Variants in TMEM65 observed in about 807,000 individuals in gnomAD.
TMEM65 encodes transmembrane protein 65.
A neutral mutation model predicts 25.4 loss-of-function variants in TMEM65; 22 were observed. The observed-to-expected ratio is 0.86, with a 90% CI of 0.62 to 1.23. TMEM65 has a LOEUF of 1.23. TMEM65 is among the 50% of genes most tolerant of loss of function. The pLI is 0.00. For missense variants in TMEM65, 262 were observed against 308.2 expected, an observed-to-expected ratio of 0.85 and a Z score of 1.12; for synonymous variants, 132 against 126.2, an observed-to-expected ratio of 1.05 and a Z score of -0.31.
At chr8:124,350,356 T>C (rs932152600) in intron 1 of TMEM65, among the ~76,000 whole-genome samples, 5 of 152,086 alleles carry the variant, frequency 3.3e-5, no homozygotes, top group African/African-American at 1.2e-4. Flanking sequence ...AATCAAATAG[T>C]AATCAGAAAC....
At chr8:124,339,222 A>AAAAAAAAAT (rs1563594368) in intron 1 of TMEM65, among the ~76,000 whole-genome samples, 6 of 19,906 alleles carry the variant, frequency 3.0e-4, no homozygotes, top group Non-Finnish European at 4.0e-4. Context: ...AAAAAAAAAA[A>AAAAAAAAAT]ATATATATAT....
rs1011027824 is a variant in TMEM65, at chr8:124,307,196, T to G, written c.*6764A>C. ...ATCATCTCCACATGGGCAGTTCATCTCTCCAGTAAATTGTGTATCGTAGTA... is the reference window on the plus strand; with the variant it reads ...ATCATCTCCACATGGGCAGTTCATCGCTCCAGTAAATTGTGTATCGTAGTA... On this transcript the variant is annotated 3_prime_UTR_variant, in exon 7 of 7. Coordinates refer to ENST00000297632, the MANE Select transcript of TMEM65 (RefSeq NM_194291.3). The G allele has an allele frequency of 1.2e-4, 18 of 152,274 alleles. No individual in the cohort carries two copies. The highest frequency in any genetic ancestry group is 3.9e-4 in the Admixed American group (6 of 15,294). 9.4% of individuals were successfully genotyped at this position (152,274 alleles called of 1,614,324 possible). A position where few individuals can be genotyped will look rare whatever the true frequency, so the allele number is the denominator to read the frequency against.
intron 1 of TMEM65, among the ~76,000 whole-genome samples, chr8:124,337,157 A>C (rs1282227875): frequency 1.3e-5 from 2 of 151,012 alleles, no homozygotes; most frequent in East Asian, 1.9e-4. Context: ...ACACACACAC[A>C]CCCCTTCCAA....
At chr8:124,314,611 A>G (rs931486451) in intron 6 of TMEM65, among the ~76,000 whole-genome samples, 3 of 152,140 alleles carry the variant, frequency 2.0e-5, no homozygotes, top group Non-Finnish European at 4.4e-5. Flanking sequence ...CTACATTATA[A>G]AAATTTTATT....
At chr8:124,358,505 A>G (rs536177214) in intron 1 of TMEM65, among the ~76,000 whole-genome samples, 13 of 152,352 alleles carry the variant, frequency 8.5e-5, no homozygotes, top group African/African-American at 3.1e-4. Flanking sequence ...ACTCCAATGC[A>G]TTCATAGGTA....
intron 1 of TMEM65, among the ~76,000 whole-genome samples, chr8:124,353,450 C>T: frequency 6.6e-6 from 1 of 152,050 alleles, no homozygotes; most frequent in South Asian, 2.1e-4. Context: ...CATAAAGACA[C>T]ATAGAACTAT....
intron 1 of TMEM65, among the ~76,000 whole-genome samples, chr8:124,364,375 G>A (rs1814911777): frequency 6.6e-6 from 1 of 152,126 alleles, no homozygotes; most frequent in African/African-American, 2.4e-5. Context: ...GGAGGAGGGA[G>A]GGGCAGACTA....
At chr8:124,369,871 T>C (rs1291102713) in intron 1 of TMEM65, among the ~76,000 whole-genome samples, 1 of 152,198 alleles carries the variant, frequency 6.6e-6, no homozygotes, top group Admixed American at 6.5e-5. Context: ...CATAGGACAA[T>C]CATTTTGTCA....
intron 1 of TMEM65, among the ~76,000 whole-genome samples, chr8:124,339,458 T>C (rs537167603): frequency 6.6e-6 from 1 of 151,778 alleles, no homozygotes; most frequent in South Asian, 2.1e-4. Flanking sequence ...CTTTTAAGGT[T>C]CAGAGTGCTG....
chr8:124,358,049 C>T (rs1814807839), intron 1 of TMEM65, among the ~76,000 whole-genome samples: 2 of 151,924 alleles, frequency 1.3e-5, no homozygotes, highest in South Asian at 4.1e-4. Context: ...AGGCTGGTCT[C>T]AAACTCCTGA....
intron 3 of TMEM65, among the ~76,000 whole-genome samples, 181 bp downstream of exon 3, chr8:124,327,173 A>G (rs945389618): frequency 6.6e-6 from 1 of 152,040 alleles, no homozygotes; most frequent in Non-Finnish European, 1.5e-5. Flanking sequence ...TAAAGTCTTA[A>G]TGATTAATAA....
chr8:124,316,834 C>G (rs1051391431), intron 6 of TMEM65, among the ~76,000 whole-genome samples: 1 of 152,180 alleles, frequency 6.6e-6, no homozygotes, highest in Non-Finnish European at 1.5e-5. Context: ...TCTCACTTTA[C>G]TTACAAATTG....
intron 1 of TMEM65, chr8:124,350,990 A>G (rs1814699333): frequency 1.0e-6 from 1 of 985,112 alleles, no homozygotes; most frequent in South Asian, 4.7e-5. Context: ...AGTTCCATCA[A>G]ATAGATGCTT....
At position 124,331,999 on chromosome 8, in the gene TMEM65, C is replaced by G. The variant is rs548450164; in HGVS notation, c.305-1207G>C. Among the ~76,000 whole-genome samples, 4 of 151,672 alleles carry G rather than the reference C, an allele frequency of 2.6e-5. No individual in the cohort carries two copies. The South Asian group carries it at 8.3e-4, about 32-fold the overall frequency. On this transcript the variant is annotated intron_variant, in intron 1 of 6. Transcript: ENST00000297632. ...TAAAACCTCGAGTTTAATTAACTTT[C>G]ATAGTATTTAGAAAGTTCTAAGAAG... is the stretch of plus-strand genomic sequence containing the variant.
intron 1 of TMEM65, among the ~76,000 whole-genome samples, chr8:124,365,061 A>C (rs1814919499): frequency 2.0e-5 from 3 of 152,216 alleles, no homozygotes; most frequent in Admixed American, 6.5e-5. Context: ...CGTGATCTGT[A>C]GTTCCACCTG....
At chr8:124,367,278 A>C (rs1814951076) in intron 1 of TMEM65, among the ~76,000 whole-genome samples, 2 of 152,248 alleles carry the variant, frequency 1.3e-5, no homozygotes, top group South Asian at 4.2e-4. Context: ...GTTCGAGATG[A>C]ACCTGGCCAA....
At chr8:124,319,091 TG>T (rs1814274398) in intron 6 of TMEM65, among the ~76,000 whole-genome samples, 1 of 152,174 alleles carries the variant, frequency 6.6e-6, no homozygotes, top group African/African-American at 2.4e-5. Flanking sequence ...TATCTCTACT[TG>T]GCATATAATA....
chr8:124,332,612 T>G (rs1338018882), intron 1 of TMEM65, among the ~76,000 whole-genome samples: 1 of 151,964 alleles, frequency 6.6e-6, no homozygotes, highest in Admixed American at 6.6e-5. Context: ...TAACAAATGT[T>G]AAGAGAAAGA....
chr8:124,339,146 C>T (rs1441649326), intron 1 of TMEM65, among the ~76,000 whole-genome samples: 1 of 136,266 alleles, frequency 7.3e-6, no homozygotes, highest in East Asian at 2.2e-4. Context: ...GAGCCCAGAT[C>T]GCACCACTGT....
Sources: gnomAD v4.1 joint callset for allele counts (sites outside exome capture counted in the v4.1 genomes callset) on GRCh38, gnomAD v4.1.1 for gene constraint, MANE v1.5 for transcripts, NCBI Gene and HGNC (gene_info 2026-07-23, HGNC 2026-07-21) for gene names.